Variants in FBXW8 observed in about 807,000 individuals in gnomAD.
FBXW8 encodes F-box and WD repeat domain containing 8.
A neutral mutation model predicts 65.3 loss-of-function variants in FBXW8; 57 were observed. That is an observed-to-expected ratio of 0.87 (90% CI 0.71 to 1.09). The LOEUF is 1.09. Among genes scored for constraint, FBXW8 ranks in the 50% least tolerant of loss-of-function variants. The probability of loss-of-function intolerance (pLI) is 0.00; values close to 1 mark genes in which losing one functional copy is unlikely to be tolerated. For synonymous variants in FBXW8, 308 were observed against 330.2 expected (o/e 0.93, Z 0.73); for missense variants, 777 against 814.8 (o/e 0.95, Z 0.57).
intron 1 of FBXW8, 65 bp from the exon 2 acceptor site, chr12:116,927,958 C>A: frequency 2.1e-6 from 2 of 968,016 alleles, no homozygotes; most frequent in South Asian, 1.5e-5. Flanking sequence ...TTTAAAGGGC[C>A]TGTAAATTTG....
intron 5 of FBXW8, among the ~76,000 whole-genome samples, chr12:116,973,140 T>C (rs1884733531): frequency 6.6e-6 from 1 of 152,018 alleles, no homozygotes. Flanking sequence ...TTGAATAAAA[T>C]AGGAATATAT....
At chr12:117,017,881 C>G (rs1424633541) in intron 8 of FBXW8, among the ~76,000 whole-genome samples, 1 of 152,080 alleles carries the variant, frequency 6.6e-6, no homozygotes, top group East Asian at 1.9e-4. Context: ...GAGTTGTGAC[C>G]CCCCAATTAC....
At chr12:116,994,846 G>A (rs771172218) in intron 7 of FBXW8, among the ~76,000 whole-genome samples, 1 of 152,222 alleles carries the variant, frequency 6.6e-6, no homozygotes, top group Non-Finnish European at 1.5e-5. Flanking sequence ...TGGTCCACAT[G>A]AATGTATTTG....
At chr12:117,005,538 C>G (rs779911703) in intron 7 of FBXW8, among the ~76,000 whole-genome samples, 2 of 152,146 alleles carry the variant, frequency 1.3e-5, no homozygotes, top group Non-Finnish European at 2.9e-5. Flanking sequence ...CTGGAGTCAC[C>G]GCCTCCTCCC....
Position 117,028,177 on chromosome 12 carries a change from G to C in FBXW8, c.*5G>C, listed in dbSNP as rs765428598. 6.2e-6 allele frequency: 10 copies of C among 1,613,414 alleles called. No homozygotes were observed. In the South Asian group the frequency reaches 1.1e-4, roughly 18 times the overall value. ...TTTCCCTATAACCATGTTTAGGGAT[G>C]TGCCTCAGTTGGGAGCAAGGAGAAA... On this transcript the variant is annotated 3_prime_UTR_variant, in exon 11 of 11. Transcript: ENST00000652555. This position sits in a 1 kb window ranked among gnomAD's most constrained non-coding sequence, Gnocchi z 4.1.
intron 8 of FBXW8, among the ~76,000 whole-genome samples, chr12:117,017,893 G>A (rs554297194): frequency 6.6e-6 from 1 of 152,150 alleles, no homozygotes; most frequent in Non-Finnish European, 1.5e-5. Context: ...CCCAATTACA[G>A]AGTCTCAGTG....
chr12:117,026,538 C>T (rs1424529781), intron 9 of FBXW8, among the ~76,000 whole-genome samples: 1 of 152,134 alleles, frequency 6.6e-6, no homozygotes, highest in African/African-American at 2.4e-5. Flanking sequence ...TCCAAGAATC[C>T]TTTGCTTTAG....
chr12:117,000,913 C>G (rs1953503455), intron 7 of FBXW8, among the ~76,000 whole-genome samples: 1 of 152,226 alleles, frequency 6.6e-6, no homozygotes, highest in South Asian at 2.1e-4. Flanking sequence ...GCAGGAATGA[C>G]ACGAGCTGCG....
chr12:116,964,707 G>A lies in FBXW8; in HGVS notation c.688G>A (p.Gly230Arg), dbSNP rs373361925. The change falls in exon 5 of 11, where the codon GGG becomes AGG. Residue 230 changes from glycine (G) to arginine (R), a missense_variant. Transcript: ENST00000652555. The stretch of plus-strand genomic sequence containing the variant: ...GTCGTTCTCTTCCAGATATACATCA[G>A]GGGATGTGAGAGTGTGGGACACCCG... ...DGVVIAGYTS[G>R]DVRVWDTRTW... The A allele has an allele frequency of 1.9e-6, 3 of 1,613,606 alleles. No individual in the cohort carries two copies. Among genetic ancestry groups the A allele is most frequent in the Admixed American group, 1.7e-5 (1 of 59,998 alleles).
rs199872709 is a variant in FBXW8, at chr12:117,028,136, C to T, written c.1761C>T (p.Tyr587=). 118 of 1,614,058 alleles carry T rather than the reference C, an allele frequency of 7.3e-5. 1 individual carries two copies. In the Admixed American group the frequency reaches 7.5e-4, roughly 10 times the overall value. ...SSCDAMATHY[Y]DLALAFPYNH... The stretch of plus-strand genomic sequence containing the variant: ...GTGACGCCATGGCCACTCACTACTA[C>T]GACCTCGCACTGGCCTTTCCCTATA... The change falls in exon 11 of 11, where the codon TAC becomes TAT. Residue 587 remains tyrosine (Y), a synonymous_variant. Coordinates refer to ENST00000652555, the MANE Select transcript of FBXW8 (RefSeq NM_153348.3). This position sits in a 1 kb window ranked among gnomAD's most constrained non-coding sequence, Gnocchi z 4.1.
At chr12:116,980,605 A>G (rs1330564068) in intron 5 of FBXW8, among the ~76,000 whole-genome samples, 1 of 152,218 alleles carries the variant, frequency 6.6e-6, no homozygotes, top group Non-Finnish European at 1.5e-5. Context: ...TTGACCTTTC[A>G]AATGAATTTA....
At chr12:116,985,555 A>G in intron 6 of FBXW8, 153 bp downstream of exon 6, 1 of 716,240 alleles carries the variant, frequency 1.4e-6, no homozygotes, top group East Asian at 2.8e-5. Flanking sequence ...CAAAATAGGT[A>G]GTAGCATTTT....
chr12:116,944,329 A>G (rs962380877), intron 2 of FBXW8, among the ~76,000 whole-genome samples: 1 of 152,136 alleles, frequency 6.6e-6, no homozygotes, highest in African/African-American at 2.4e-5. Context: ...CCATCCTGCA[A>G]ACTAACTCTC....
intron 1 of FBXW8, among the ~76,000 whole-genome samples, chr12:116,912,112 AT>A (rs1383717403): frequency 6.6e-6 from 1 of 151,890 alleles, no homozygotes; most frequent in Non-Finnish European, 1.5e-5. Context: ...TTTGATTTAA[AT>A]TAGGCCCAAA....
At position 117,010,320 on chromosome 12, in the gene FBXW8, C is replaced by G; in HGVS notation, c.1240-3C>G. 6.2e-7 allele frequency: 1 copy of G among 1,614,200 alleles called. No individual in the cohort carries two copies. Among genetic ancestry groups the G allele is most frequent in the Non-Finnish European group, 8.5e-7 (1 of 1,180,032 alleles). Reference sequence around the variant, plus strand: ...GGCCCACACATTTCTCTTCCTCTCTCAGATCCTGGTGTATAGCCTGGAAGC... The same window carrying G: ...GGCCCACACATTTCTCTTCCTCTCTGAGATCCTGGTGTATAGCCTGGAAGC... On this transcript the variant is annotated splice_region_variant and splice_polypyrimidine_tract_variant and intron_variant, in intron 7 of 10. Transcript: ENST00000652555.
At position 117,015,792 on chromosome 12, in the gene FBXW8, A is replaced by G. The variant is rs530636223; in HGVS notation, c.1367+5342A>G. 3.9e-5 allele frequency among the ~76,000 whole-genome samples: 6 copies of G among 152,278 alleles called. No homozygotes were observed. The South Asian group carries it at 1.2e-3, about 32-fold the overall frequency. On this transcript the variant is annotated intron_variant, in intron 8 of 10. Transcript: ENST00000652555. ...AGTTATCACTACAGTCCATTTTAGA[A>G]CATTTTCACCCCAAATAGAAACCCC...
intron 4 of FBXW8, among the ~76,000 whole-genome samples, chr12:116,955,036 T>TGGG (rs11375815): frequency 2.1e-4 from 27 of 129,592 alleles, no homozygotes; most frequent in Admixed American, 6.4e-4. Context: ...CCTCTTGAAA[T>TGGG]GGGGGGGGGG....
chr12:116,976,779 T>C lies in FBXW8; in HGVS notation c.836-8427T>C, dbSNP rs189526223. Among the ~76,000 whole-genome samples, 734 of 152,256 alleles carry C rather than the reference T, an allele frequency of 4.8e-3. 5 individuals carry two copies. The highest frequency in any genetic ancestry group is 0.017 in the Middle Eastern group (5 of 294). ...GCCATTTTATTTTAAAATGTCAACATTTACAAACATGCCAGATGTTACGTT... is the reference window on the plus strand; with the variant it reads ...GCCATTTTATTTTAAAATGTCAACACTTACAAACATGCCAGATGTTACGTT... On this transcript the variant is annotated intron_variant, in intron 5 of 10. Coordinates refer to ENST00000652555, the MANE Select transcript of FBXW8 (RefSeq NM_153348.3).
At chr12:116,917,677 T>C (rs1880540847) in intron 1 of FBXW8, among the ~76,000 whole-genome samples, 1 of 152,188 alleles carries the variant, frequency 6.6e-6, no homozygotes, top group Non-Finnish European at 1.5e-5. Flanking sequence ...GAACCTCTGA[T>C]GGGCAAGCAA....
Sources: allele counts gnomAD v4.1 joint callset (sites outside exome capture counted in the v4.1 genomes callset), GRCh38; gene constraint gnomAD v4.1.1; non-coding constraint Gnocchi (gnomAD v3.1); transcripts MANE v1.5; gene names NCBI Gene and HGNC (gene_info 2026-07-23, HGNC 2026-07-21).